KLHDC10: variants seen among roughly 807,000 people sequenced by gnomAD.
KLHDC10 encodes the protein kelch domain-containing protein 10.
Under a neutral mutation model 56.1 loss-of-function variants are expected in KLHDC10, and 24 were observed. The ratio of observed to expected loss-of-function variants is 0.43; its 90% CI spans 0.31 to 0.60. KLHDC10 has a LOEUF of 0.60. Ranked by LOEUF, KLHDC10 falls within the 20% of genes least tolerant of loss-of-function variation. The pLI is 0.11. For missense variants in KLHDC10, 349 were observed against 567.0 expected (o/e 0.62, Z 3.91); for synonymous variants, 188 against 207.1 (o/e 0.91, Z 0.79).
chr7:130,122,987 A>G (rs116713400), intron 5 of KLHDC10, among the ~76,000 whole-genome samples: 23 of 151,816 alleles, frequency 1.5e-4, no homozygotes, highest in African/African-American at 5.6e-4. Context: ...GCTTGCATGG[A>G]TGGATGGGTG....
At chr7:130,087,508 T>G (rs1306255224) in intron 1 of KLHDC10, among the ~76,000 whole-genome samples, 2 of 152,128 alleles carry the variant, frequency 1.3e-5, no homozygotes, top group Non-Finnish European at 2.9e-5. Flanking sequence ...GAAGTGAAAT[T>G]AGAAGTATTA....
rs1796366442 is a variant in KLHDC10, at chr7:130,129,455, G to A, written c.998G>A (p.Gly333Asp). 1 of 1,613,946 alleles carries A rather than the reference G, an allele frequency of 6.2e-7. No individual in the cohort carries two copies. Among genetic ancestry groups the A allele is most frequent in the Admixed American group, 1.7e-5 (1 of 59,984 alleles). The change falls in exon 9 of 10, where the codon GGC (glycine) becomes GAC (aspartate). Residue 333 changes from glycine to aspartate, a missense_variant. By Grantham distance (94) the Gly-to-Asp change is moderately conservative. Around this residue, in one of 2 missense-constraint regions of KLHDC10, gnomAD observed 245 missense variants for 470.1 expected, o/e 0.52. Coordinates refer to ENST00000335420, the MANE Select transcript of KLHDC10 (RefSeq NM_014997.4). ...QIKNDVFICG[G>D]YNGEVILGDI... is the part of the protein sequence containing the mutation. ...TTCATAGATGTATTTATTTGTGGGG[G>A]CTATAATGGAGAGGTGATCCTGGGA...
In KLHDC10 at chr7:130,072,335, A is replaced by T. The variant is rs114673840; in HGVS notation, c.166+1526A>T. Among the ~76,000 whole-genome samples the T allele has an allele frequency of 6.6e-3, 1,005 of 152,278 alleles. 5 individuals carry two copies. The highest frequency in any genetic ancestry group is 0.022 in the African/African-American group (929 of 41,558). ...TGCACTTCCTCACTTCAACCACGTG[A>T]TGGCAGTGGAAGCCATGATTTCTGC... On this transcript the variant is annotated intron_variant, in intron 1 of 9. Transcript: ENST00000335420.
intron 2 of KLHDC10, among the ~76,000 whole-genome samples, chr7:130,108,572 A>AAAAAAAAAAAAAAAAAAAT (rs1405437913): frequency 6.9e-6 from 1 of 144,004 alleles, no homozygotes; most frequent in African/African-American, 2.6e-5. Flanking sequence ...AAAAAAAAAA[A>AAAAAAAAAAAAAAAAAAAT]AGCTGGGCGT....
At chr7:130,077,627 C>T (rs185776282) in intron 1 of KLHDC10, among the ~76,000 whole-genome samples, 5,565 of 141,202 alleles carry the variant, frequency 0.039, 125 homozygotes, top group South Asian at 0.091. Flanking sequence ...ACCATCTTGG[C>T]TCACTGCAAG....
At chr7:130,077,881 T>C (rs1334606468) in intron 1 of KLHDC10, among the ~76,000 whole-genome samples, 1 of 151,938 alleles carries the variant, frequency 6.6e-6, no homozygotes, top group East Asian at 1.9e-4. Flanking sequence ...TTTATAACTT[T>C]TATGTGGTTG....
chr7:130,072,665 T>C (rs1219753304), intron 1 of KLHDC10, among the ~76,000 whole-genome samples: 1 of 152,204 alleles, frequency 6.6e-6, no homozygotes, highest in African/African-American at 2.4e-5. Context: ...TTTTGATAGA[T>C]TTTAAAAGAT....
intron 2 of KLHDC10, among the ~76,000 whole-genome samples, chr7:130,111,751 G>A (rs1196247850): frequency 1.3e-5 from 2 of 152,074 alleles, no homozygotes; most frequent in African/African-American, 4.8e-5. Context: ...TTACACAATG[G>A]TGAGAAGACA....
chr7:130,078,680 G>A (rs1226006973), intron 1 of KLHDC10, among the ~76,000 whole-genome samples: 1 of 152,000 alleles, frequency 6.6e-6, no homozygotes, highest in Non-Finnish European at 1.5e-5. Flanking sequence ...CACTACACCC[G>A]GCTAATTTTT....
chr7:130,085,315 A>G (rs969256220), intron 1 of KLHDC10, among the ~76,000 whole-genome samples: 2 of 150,822 alleles, frequency 1.3e-5, no homozygotes, highest in East Asian at 1.9e-4. Context: ...CTTGGAGGAC[A>G]GAGCAAGACT....
intron 1 of KLHDC10, among the ~76,000 whole-genome samples, chr7:130,085,500 A>G (rs955335345): frequency 1.3e-5 from 2 of 151,390 alleles, no homozygotes; most frequent in Non-Finnish European, 2.9e-5. Context: ...AGAAGGAGGG[A>G]GAGGTTACCT....
At chr7:130,081,696 A>G (rs1007038713) in intron 1 of KLHDC10, among the ~76,000 whole-genome samples, 4 of 152,176 alleles carry the variant, frequency 2.6e-5, no homozygotes, top group African/African-American at 9.7e-5. Context: ...TATGTCAACA[A>G]TGTTTTGGGT....
At chr7:130,102,557 C>T (rs906206291) in intron 2 of KLHDC10, among the ~76,000 whole-genome samples, 27 of 152,164 alleles carry the variant, frequency 1.8e-4, no homozygotes, top group African/African-American at 5.3e-4. Flanking sequence ...CATGGTGGCT[C>T]ACACTTCTAA....
chr7:130,070,752 C>CGGGGGGGGGG lies in KLHDC10; in HGVS notation c.114_115insGGGGGGGGGG (p.Thr39GlyfsTer22). On this transcript the variant is annotated frameshift_variant, in exon 1 of 10. Coordinates refer to ENST00000335420, the MANE Select transcript of KLHDC10 (RefSeq NM_014997.4). LOFTEE classifies it high-confidence loss of function. ...CGGGGGCAGTGGGGGCAGCGGGGGT[C>CGGGGGGGGGG]GGGGGACTGGCCAGCTCAACCGCTT... 1 of 467,684 alleles carries CGGGGGGGGGG rather than the reference C, an allele frequency of 2.1e-6. No homozygotes were observed. The highest frequency in any genetic ancestry group is 3.4e-6 in the Non-Finnish European group (1 of 290,444). The allele number at this position is 467,684 out of a possible 1,614,324, so 29.0% of individuals were successfully genotyped here.
At position 130,084,590 on chromosome 7, in the gene KLHDC10, C is replaced by T. The variant is rs564764149; in HGVS notation, c.167-12331C>T. On this transcript the variant is annotated intron_variant, in intron 1 of 9. Transcript: ENST00000335420. ...GTCAGGAGTTTGAGGCCAGCCTGGC[C>T]AACATGGCGAAACCCCGTCTCTACT... Among the ~76,000 whole-genome samples the T allele has an allele frequency of 1.2e-3, 180 of 152,028 alleles. 1 individual carries two copies. Among genetic ancestry groups the T allele is most frequent in the African/African-American group, 4.0e-3 (167 of 41,436 alleles).
intron 1 of KLHDC10, among the ~76,000 whole-genome samples, chr7:130,091,636 GTTC>G (rs1465950036): frequency 3.3e-5 from 5 of 152,022 alleles, no homozygotes; most frequent in African/African-American, 1.2e-4. Context: ...ATACTTTAAT[GTTC>G]TTCTGGTTTT....
intron 8 of KLHDC10, among the ~76,000 whole-genome samples, chr7:130,128,889 A>AAAAAAAATATATATATATATATATATAT: frequency 3.0e-5 from 2 of 66,956 alleles, no homozygotes; most frequent in Non-Finnish European, 5.5e-5. Flanking sequence ...AAAAAAAAAA[A>AAAAAAAATATATATATATATATATATAT]ATATATATAT....
In KLHDC10 at chr7:130,070,586, G is replaced by A. The variant is rs1795390625; in HGVS notation, c.-58G>A. The A allele has an allele frequency of 7.8e-7, 1 of 1,278,896 alleles. No homozygotes were observed. Among genetic ancestry groups the A allele is most frequent in the South Asian group, 3.2e-5 (1 of 31,012 alleles). The allele number at this position is 1,278,896 out of a possible 1,614,324, so 79.2% of individuals were successfully genotyped here. On this transcript the variant is annotated 5_prime_UTR_variant, in exon 1 of 10. Transcript: ENST00000335420. ...TGGAGGAGCCCAGGAAGGAGGCTCC[G>A]CTGGTTCCGCTGGGTCAGGCGCTGA... is the stretch of plus-strand genomic sequence containing the variant.
chr7:130,116,343 C>A lies in KLHDC10; in HGVS notation c.254-102C>A, dbSNP rs1425087982. 1.7e-5 allele frequency: 13 copies of A among 758,376 alleles called. No homozygotes were observed. The highest frequency in any genetic ancestry group is 4.5e-6 in the Non-Finnish European group (2 of 447,710). The allele number at this position is 758,376 out of a possible 1,614,324, so 47.0% of individuals were successfully genotyped here. A position where few individuals can be genotyped will look rare whatever the true frequency, so the allele number is the denominator to read the frequency against. On this transcript the variant is annotated intron_variant, in intron 2 of 9. Transcript: ENST00000335420. This position sits in a 1 kb window ranked among gnomAD's most constrained non-coding sequence, Gnocchi z 4.8. ...TAAGAAGTATATCCATGTTATAAAT[C>A]CTTCCTGGTCCCCTTTTATGGCTAA...
Sources: gnomAD v4.1 joint callset for allele counts (sites outside exome capture counted in the v4.1 genomes callset) on GRCh38, gnomAD v4.1.1 for gene constraint, gnomAD v4.1.1 regional missense constraint, Gnocchi (gnomAD v3.1) non-coding constraint, MANE v1.5 for transcripts, NCBI Gene and HGNC (gene_info 2026-07-23, HGNC 2026-07-21) for gene names.